The following EPHA3 variants were observed in gnomAD, a reference collection of about 807,000 sequenced individuals.
EPHA3 encodes ephrin type-A receptor 3.
In EPHA3, 42 loss-of-function variants were observed where a neutral mutation model predicts 107.1. That is an observed-to-expected ratio of 0.39 (90% CI 0.31 to 0.51). EPHA3 has a LOEUF of 0.51. Ranked by LOEUF, EPHA3 falls within the 20% of genes least tolerant of loss-of-function variation. The pLI is 0.78. For synonymous variants in EPHA3, 461 were observed against 424.8 expected, an observed-to-expected ratio of 1.09 and a Z score of -1.05; for missense variants, 1,183 against 1,211.2, an observed-to-expected ratio of 0.98 and a Z score of 0.35.
intron 2 of EPHA3, among the ~76,000 whole-genome samples, chr3:89,187,460 T>C (rs1705595711): frequency 6.6e-6 from 1 of 150,824 alleles, no homozygotes. Context: ...TTATCTTATT[T>C]AATGTGTATT....
Position 89,141,235 on chromosome 3 carries a change from T to C in EPHA3, c.153+13962T>C, listed in dbSNP as rs553758704. ...CATTATGCCAAGGGTTTGGCTTCCA[T>C]CTTAATGCAAAATTGTTATGAAGTC... On this transcript the variant is annotated intron_variant, in intron 2 of 16. Transcript: ENST00000336596. Among the ~76,000 whole-genome samples the C allele has an allele frequency of 1.3e-4, 19 of 151,698 alleles. No individual in the cohort carries two copies. In the South Asian group the frequency reaches 3.1e-3, roughly 25 times the overall value.
At position 89,191,973 on chromosome 3, in the gene EPHA3, A is replaced by G. The variant is rs115328904; in HGVS notation, c.154-17887A>G. Among the ~76,000 whole-genome samples, 865 of 152,328 alleles carry G rather than the reference A, an allele frequency of 5.7e-3. 5 individuals are homozygous for G. The highest frequency in any genetic ancestry group is 0.02 in the African/African-American group (816 of 41,574). ...TAAAGTAGTCATAAAATGGTTAAAT[A>G]GTAAAACCTTGTCTCCTTTGTCTCG... On this transcript the variant is annotated intron_variant, in intron 2 of 16. Coordinates refer to ENST00000336596, the MANE Select transcript of EPHA3 (RefSeq NM_005233.6).
At chr3:89,109,691 A>G (rs574695223) in intron 1 of EPHA3, among the ~76,000 whole-genome samples, 2 of 152,178 alleles carry the variant, frequency 1.3e-5, no homozygotes, top group African/African-American at 4.8e-5. Context: ...TTTAAGCCTC[A>G]CCTCATGTAT....
At chr3:89,208,538 AAAAAAGAAAGAGAAAGAAAGAAAGAT>A (rs1343695324) in intron 2 of EPHA3, among the ~76,000 whole-genome samples, 13 of 149,662 alleles carry the variant, frequency 8.7e-5, no homozygotes, top group Middle Eastern at 3.4e-3. Flanking sequence ...GAAAGAAAGA[AAAAAAGAAAGAGAAAGAAAGAAAGAT>A]AAAAAGAAAG....
rs9882289 is a variant in EPHA3, at chr3:89,250,702, T to C, written c.814+40182T>C. ...AATTTCCTTAAAAGGCTCAAACTTA[T>C]GGCATCACTGCCCATTAGCAAGATC... On this transcript the variant is annotated intron_variant, in intron 3 of 16. Coordinates refer to ENST00000336596, the MANE Select transcript of EPHA3 (RefSeq NM_005233.6). 4.2e-3 allele frequency among the ~76,000 whole-genome samples: 642 copies of C among 152,332 alleles called. 6 individuals carry two copies. Among genetic ancestry groups the C allele is most frequent in the African/African-American group, 0.015 (618 of 41,578 alleles).
At chr3:89,129,865 G>A (rs1254520211) in intron 2 of EPHA3, among the ~76,000 whole-genome samples, 2 of 151,994 alleles carry the variant, frequency 1.3e-5, no homozygotes, top group African/African-American at 2.4e-5. Flanking sequence ...GTAATAGCTG[G>A]AAATAACTTT....
chr3:89,351,899 A>C (rs1297640872), intron 5 of EPHA3, among the ~76,000 whole-genome samples: 1 of 149,608 alleles, frequency 6.7e-6, no homozygotes, highest in African/African-American at 2.4e-5. Context: ...ATAAATAAGT[A>C]ATTTTCTGTA....
chr3:89,434,777 G>GTT (rs1709634277), intron 13 of EPHA3, among the ~76,000 whole-genome samples: 1 of 152,140 alleles, frequency 6.6e-6, no homozygotes, highest in Non-Finnish European at 1.5e-5. Context: ...AAGTGAAACA[G>GTT]GCTCTTTGCA....
At chr3:89,292,056 C>G (rs561700401) in intron 3 of EPHA3, among the ~76,000 whole-genome samples, 2 of 152,128 alleles carry the variant, frequency 1.3e-5, no homozygotes, top group East Asian at 3.9e-4. Flanking sequence ...TTCTATAGTT[C>G]TAAGAAAAAT....
At chr3:89,344,829 A>G (rs1294760828) in intron 5 of EPHA3, among the ~76,000 whole-genome samples, 1 of 152,172 alleles carries the variant, frequency 6.6e-6, no homozygotes, top group Non-Finnish European at 1.5e-5. Flanking sequence ...TCAAATGATA[A>G]GGCACCTTTT....
At chr3:89,298,616 C>A (rs2107341949) in intron 3 of EPHA3, among the ~76,000 whole-genome samples, 1 of 152,038 alleles carries the variant, frequency 6.6e-6, no homozygotes, top group South Asian at 2.1e-4. Context: ...TTTTTCCTGA[C>A]CAGGATTCAA....
intron 2 of EPHA3, among the ~76,000 whole-genome samples, chr3:89,201,612 C>G (rs1440087248): frequency 6.6e-6 from 1 of 152,110 alleles, no homozygotes; most frequent in Non-Finnish European, 1.5e-5. Flanking sequence ...ACCACTGTCT[C>G]GCAGCTATTC....
intron 2 of EPHA3, among the ~76,000 whole-genome samples, chr3:89,181,422 T>C (rs1389368806): frequency 6.6e-6 from 1 of 151,954 alleles, no homozygotes; most frequent in Admixed American, 6.6e-5. Flanking sequence ...TTTTGTACAC[T>C]GATTAAAATA....
chr3:89,305,237 T>C (rs1231212308), intron 3 of EPHA3, among the ~76,000 whole-genome samples: 3 of 152,180 alleles, frequency 2.0e-5, no homozygotes, highest in Non-Finnish European at 2.9e-5. Context: ...ATTTCAGTCT[T>C]ATAGTTTTAT....
At chr3:89,157,881 G>A (rs981110297) in intron 2 of EPHA3, among the ~76,000 whole-genome samples, 1 of 151,462 alleles carries the variant, frequency 6.6e-6, no homozygotes, top group African/African-American at 2.4e-5. Context: ...AAAAGGGAAA[G>A]AAGTCAGGGG....
At chr3:89,144,047 T>C (rs1384093691) in intron 2 of EPHA3, among the ~76,000 whole-genome samples, 2 of 151,676 alleles carry the variant, frequency 1.3e-5, no homozygotes, top group Non-Finnish European at 3.0e-5. Context: ...GGGTATGTTT[T>C]TTGAAAATTG....
At chr3:89,165,969 CT>C (rs1347153699) in intron 2 of EPHA3, among the ~76,000 whole-genome samples, 2 of 152,196 alleles carry the variant, frequency 1.3e-5, no homozygotes, top group Non-Finnish European at 2.9e-5. Context: ...CTATCATCAT[CT>C]TTGTTTTACA....
At chr3:89,115,252 T>G (rs1166643086) in intron 1 of EPHA3, among the ~76,000 whole-genome samples, 1 of 152,134 alleles carries the variant, frequency 6.6e-6, no homozygotes, top group Non-Finnish European at 1.5e-5. Flanking sequence ...ATATCTTTTT[T>G]TTTTTTTAGA....
intron 2 of EPHA3, among the ~76,000 whole-genome samples, chr3:89,137,011 GCA>G (rs1468528451): frequency 6.6e-6 from 1 of 151,804 alleles, no homozygotes; most frequent in East Asian, 1.9e-4. Flanking sequence ...GGTCAAAAAT[GCA>G]CAGTTATTAA....
Sources: gnomAD v4.1 joint callset for allele counts (sites outside exome capture counted in the v4.1 genomes callset) on GRCh38, gnomAD v4.1.1 for gene constraint, MANE v1.5 for transcripts, NCBI Gene and HGNC (gene_info 2026-07-23, HGNC 2026-07-21) for gene names.